RAB11B: variants seen among roughly 807,000 people sequenced by gnomAD.
RAB11B encodes the protein ras-related protein Rab-11B.
A neutral mutation model predicts 23.7 loss-of-function variants in RAB11B; 7 were observed. The observed-to-expected ratio is 0.29, with a 90% CI of 0.17 to 0.55. The LOEUF (loss-of-function observed/expected upper bound fraction) is 0.55. RAB11B is among the 20% of genes least tolerant of loss of function. RAB11B has a pLI of 0.93. For missense variants in RAB11B, 189 were observed against 320.0 expected, an observed-to-expected ratio of 0.59 and a Z score of 3.12; for synonymous variants, 138 against 132.0, an observed-to-expected ratio of 1.05 and a Z score of -0.31.
At chr19:8,398,311 T>C (rs1971411910) in intron 1 of RAB11B, among the ~76,000 whole-genome samples, 1 of 152,180 alleles carries the variant, frequency 6.6e-6, no homozygotes, top group African/African-American at 2.4e-5. Context: ...CAAACCCTCA[T>C]CTCTGTTCTG....
rs1971421190 is a variant in RAB11B, at chr19:8,399,416, A to G, written c.41-447A>G. On this transcript the variant is annotated intron_variant, in intron 1 of 4. Coordinates refer to ENST00000328024, the MANE Select transcript of RAB11B (RefSeq NM_004218.4). ...CCTGCTCTTACTTCCTCCTCCTGTG[A>G]CTGCCTTCCTGTTCACACATTTGGA... is the stretch of plus-strand genomic sequence containing the variant. 2.0e-5 allele frequency among the ~76,000 whole-genome samples: 3 copies of G among 152,024 alleles called. No homozygotes were observed. In the South Asian group the frequency reaches 6.2e-4, roughly 32 times the overall value.
At chr19:8,390,635 C>T in intron 1 of RAB11B, 179 bp downstream of exon 1, 3 of 600,832 alleles carry the variant, frequency 5.0e-6, no homozygotes, top group Non-Finnish European at 7.5e-6. Flanking sequence ...CTAGGATGCG[C>T]GGCTATACGG....
rs760096257 is a variant in RAB11B at position 8,399,972 on chromosome 19, C to T, written c.150C>T (p.Thr50=). The part of the protein sequence containing the change: ...SKSTIGVEFA[T]RSIQVDGKTI... ...GCACCATCGGCGTGGAGTTCGCCAC[C>T]CGCAGCATCCAGGTGGACGGCAAGA... is the stretch of plus-strand genomic sequence containing the variant. Residue 50 remains threonine (T), a synonymous_variant, in exon 2 of 5, where the codon ACC becomes ACT. Coordinates refer to ENST00000328024, the MANE Select transcript of RAB11B (RefSeq NM_004218.4). 1.2e-6 allele frequency: 2 copies of T among 1,614,210 alleles called. No homozygotes were observed. The highest frequency in any genetic ancestry group is 1.1e-5 in the South Asian group (1 of 91,086).
Position 8,400,285 on chromosome 19 carries a change from A to T in RAB11B, c.236+227A>T. On this transcript the variant is annotated intron_variant, in intron 2 of 4. Coordinates refer to ENST00000328024, the MANE Select transcript of RAB11B (RefSeq NM_004218.4). ...GTATCTCTGGGTACCAAGTGCAGTG[A>T]GGACCTAGCTCAGGCCACTCCGCCT... 2.3e-5 allele frequency: 14 copies of T among 603,214 alleles called. No homozygotes were observed. In the South Asian group the frequency reaches 2.8e-4, roughly 12 times the overall value. The allele number at this position is 603,214 out of a possible 1,614,324, so 37.4% of individuals were successfully genotyped here.
At chr19:8,390,677 A>T in intron 1 of RAB11B, 1 of 438,774 alleles carries the variant, frequency 2.3e-6, no homozygotes. Flanking sequence ...TGGGGGACCT[A>T]GGACGCGCCG....
chr19:8,391,488 C>G (rs988648380), intron 1 of RAB11B, among the ~76,000 whole-genome samples: 1 of 152,224 alleles, frequency 6.6e-6, no homozygotes, highest in Non-Finnish European at 1.5e-5. Flanking sequence ...ATCAGGCAGC[C>G]ATTGCCCATT....
intron 1 of RAB11B, among the ~76,000 whole-genome samples, chr19:8,395,814 C>G (rs544735859): frequency 6.6e-6 from 1 of 152,162 alleles, no homozygotes; most frequent in Non-Finnish European, 1.5e-5. Flanking sequence ...GGCAGAACCA[C>G]GACTCCCGAG....
intron 2 of RAB11B, 60 bp from the exon 3 acceptor site, chr19:8,402,026 T>G: frequency 6.7e-7 from 1 of 1,486,300 alleles, no homozygotes; most frequent in South Asian, 1.3e-5. Context: ...TGTTATCCCG[T>G]GAGGCTGCCG....
At chr19:8,392,462 T>TGG (rs576388428) in intron 1 of RAB11B, among the ~76,000 whole-genome samples, 11 of 130,468 alleles carry the variant, frequency 8.4e-5, no homozygotes, top group African/African-American at 3.1e-4. Flanking sequence ...CGGTGTGGGG[T>TGG]GGGGGGGGGC....
In RAB11B at chr19:8,402,181, AC is replaced by A; in HGVS notation, c.334del (p.His112ThrfsTer50). ...NVERWLKELR[D>X]HADSNIVIML... ...GAGCGCTGGCTGAAGGAGCTGCGGG[AC>A]CACGCAGACAGCAACATCGTCATCA... On this transcript the variant is annotated frameshift_variant, in exon 3 of 5. Transcript: ENST00000328024. LOFTEE classifies it high-confidence loss of function. 6.3e-7 allele frequency: 1 copy of A among 1,599,138 alleles called. No homozygotes were observed. Among genetic ancestry groups the A allele is most frequent in the Non-Finnish European group, 8.5e-7 (1 of 1,172,970 alleles).
chr19:8,395,594 T>C (rs549152908), intron 1 of RAB11B, among the ~76,000 whole-genome samples: 68 of 152,326 alleles, frequency 4.5e-4, no homozygotes, highest in Middle Eastern at 3.4e-3. Flanking sequence ...TTGGTAGCCC[T>C]GTGCGGGGCA....
In RAB11B at chr19:8,403,369, G is replaced by T. The variant is rs368783087; in HGVS notation, c.512-44G>T. On this transcript the variant is annotated intron_variant, in intron 4 of 4. Transcript: ENST00000328024. The stretch of plus-strand genomic sequence containing the variant: ...GGAGGGGTTCCCCTCGGCAGGCAGG[G>T]CACGTGCTGGCTCACCCCACGTCCC... The T allele has an allele frequency of 7.6e-6, 12 of 1,579,596 alleles. No individual in the cohort carries two copies. In the African/African-American group the frequency reaches 1.1e-4, roughly 14 times the overall value.
chr19:8,399,232 T>C (rs1226604846), intron 1 of RAB11B, among the ~76,000 whole-genome samples: 1 of 151,758 alleles, frequency 6.6e-6, no homozygotes, highest in Non-Finnish European at 1.5e-5. Flanking sequence ...GGATTACAGG[T>C]GTGAGCCACC....
intron 1 of RAB11B, among the ~76,000 whole-genome samples, chr19:8,395,175 G>A (rs1478730539): frequency 1.3e-5 from 2 of 152,250 alleles, no homozygotes; most frequent in South Asian, 2.1e-4. Flanking sequence ...GTCCATCTTG[G>A]CCCCCAGTGG....
chr19:8,391,608 A>T (rs1212001930), intron 1 of RAB11B, among the ~76,000 whole-genome samples: 1 of 152,150 alleles, frequency 6.6e-6, no homozygotes, highest in Non-Finnish European at 1.5e-5. Context: ...CCTGGCTGAC[A>T]ATGGCAGCCC....
At chr19:8,400,267 T>G in intron 2 of RAB11B, 11 of 636,460 alleles carry the variant, frequency 1.7e-5, no homozygotes, top group East Asian at 2.8e-5. Context: ...AGGGTATCTC[T>G]GGGTACCAAG....
Position 8,403,668 on chromosome 19 carries a change from A to G in RAB11B, c.*110A>G. ...GTGGCCGGCTCGTTCCAGCCCTCCCAGTGAGCTCTGCACGGCCGGGCCGGG... is the reference window on the plus strand; with the variant it reads ...GTGGCCGGCTCGTTCCAGCCCTCCCGGTGAGCTCTGCACGGCCGGGCCGGG... On this transcript the variant is annotated 3_prime_UTR_variant, in exon 5 of 5. Coordinates refer to ENST00000328024, the MANE Select transcript of RAB11B (RefSeq NM_004218.4). 1 of 1,454,036 alleles carries G rather than the reference A, an allele frequency of 6.9e-7. No homozygotes were observed. The highest frequency in any genetic ancestry group is 1.3e-5 in the South Asian group (1 of 76,202). The allele number at this position is 1,454,036 out of a possible 1,614,324, so 90.1% of individuals were successfully genotyped here.
In RAB11B at chr19:8,396,957, G is replaced by A. The variant is rs773778843; in HGVS notation, c.41-2906G>A. On this transcript the variant is annotated intron_variant, in intron 1 of 4. Coordinates refer to ENST00000328024, the MANE Select transcript of RAB11B (RefSeq NM_004218.4). This position sits in a 1 kb window ranked among gnomAD's most constrained non-coding sequence, Gnocchi z 5.0. ...GGGTCTGAGAGTCTGGAATGGAATC[G>A]CCCAGGGAGACATGGTGGGGTGCAC... is the stretch of plus-strand genomic sequence containing the variant. Among the ~76,000 whole-genome samples, 2 of 152,206 alleles carry A rather than the reference G, an allele frequency of 1.3e-5. No homozygotes were observed. The highest frequency in any genetic ancestry group is 4.8e-5 in the African/African-American group (2 of 41,452).
intron 2 of RAB11B, among the ~76,000 whole-genome samples, chr19:8,400,525 T>A (rs1971429110): frequency 6.6e-6 from 1 of 151,176 alleles, no homozygotes; most frequent in Non-Finnish European, 1.5e-5. Context: ...CGTCTTGAGA[T>A]CCTCTGGGCT....
Sources: allele counts gnomAD v4.1 joint callset (sites outside exome capture counted in the v4.1 genomes callset), GRCh38; gene constraint gnomAD v4.1.1; non-coding constraint Gnocchi (gnomAD v3.1); transcripts MANE v1.5; gene names NCBI Gene and HGNC (gene_info 2026-07-23, HGNC 2026-07-21).